RBPJ: variants seen among roughly 807,000 people sequenced by gnomAD.
The protein encoded by RBPJ is recombination signal binding protein for immunoglobulin kappa J region.
In RBPJ, 9 loss-of-function variants were observed where a neutral mutation model predicts 67.8. The ratio of observed to expected loss-of-function variants is 0.13; its 90% CI spans 0.08 to 0.23. The LOEUF is 0.23. Ranked by LOEUF, RBPJ falls within the 10% of genes least tolerant of loss-of-function variation. RBPJ has a pLI of 1.00. For missense variants in RBPJ, 305 were observed against 595.6 expected, an observed-to-expected ratio of 0.51 and a Z score of 5.08; for synonymous variants, 198 against 203.3, an observed-to-expected ratio of 0.97 and a Z score of 0.22.
chr4:26,404,934 T>C (rs1180703958), intron 2 of RBPJ, among the ~76,000 whole-genome samples: 1 of 152,228 alleles, frequency 6.6e-6, no homozygotes, highest in Non-Finnish European at 1.5e-5. Flanking sequence ...CGTTCCCTTA[T>C]TGGTGCTTTT....
At chr4:26,170,638 T>C (rs1269146067) in intron 1 of RBPJ, among the ~76,000 whole-genome samples, 1 of 152,078 alleles carries the variant, frequency 6.6e-6, no homozygotes, top group Non-Finnish European at 1.5e-5. Context: ...TTAAGTGAGA[T>C]GTAAGTTGGC....
chr4:26,352,639 G>T (rs1305678272), intron 1 of RBPJ, among the ~76,000 whole-genome samples: 1 of 152,210 alleles, frequency 6.6e-6, no homozygotes, highest in African/African-American at 2.4e-5. Context: ...GGAGGCGGAG[G>T]TTGCAGTGAG....
At chr4:26,257,679 C>T (rs1212231898) in intron 1 of RBPJ, among the ~76,000 whole-genome samples, 10 of 152,218 alleles carry the variant, frequency 6.6e-5, no homozygotes, top group Non-Finnish European at 1.2e-4. Context: ...TATGCTGCCC[C>T]TCTATGCTAC....
chr4:26,286,310 C>G (rs969526412), intron 1 of RBPJ, among the ~76,000 whole-genome samples: 2 of 151,912 alleles, frequency 1.3e-5, no homozygotes, highest in African/African-American at 4.8e-5. Flanking sequence ...GAGACCAGGT[C>G]TCTTTAAAAA....
chr4:26,205,021 C>A (rs1007360956), intron 1 of RBPJ, among the ~76,000 whole-genome samples: 2 of 152,146 alleles, frequency 1.3e-5, no homozygotes, highest in East Asian at 3.9e-4. Context: ...GCGCCAGGGG[C>A]CACGTGGCTG....
intron 1 of RBPJ, among the ~76,000 whole-genome samples, chr4:26,275,883 C>G (rs771160094): frequency 6.6e-6 from 1 of 151,846 alleles, no homozygotes; most frequent in Non-Finnish European, 1.5e-5. Flanking sequence ...ACCTCGGCCT[C>G]CCAAAGTGCT....
rs547581013 is a variant in RBPJ, at chr4:26,294,318, T to C, written c.-166-68128T>C. ...TTCACCATCTTGGCCAGGCTAGTCT[T>C]GAACTCCTGACCTTGTGATCCACCC... On this transcript the variant is annotated intron_variant, in intron 1 of 4. Transcript: ENST00000512351. Among the ~76,000 whole-genome samples, 793 of 151,612 alleles carry C rather than the reference T, an allele frequency of 5.2e-3. 8 individuals are homozygous for C. Among genetic ancestry groups the C allele is most frequent in the African/African-American group, 0.019 (765 of 41,340 alleles).
intron 1 of RBPJ, among the ~76,000 whole-genome samples, chr4:26,367,525 T>C (rs985751412): frequency 6.6e-6 from 1 of 152,166 alleles, no homozygotes; most frequent in Non-Finnish European, 1.5e-5. Flanking sequence ...TAGGACTTGT[T>C]TGTATAATAG....
At chr4:26,348,606 T>C (rs1726434218) in intron 1 of RBPJ, among the ~76,000 whole-genome samples, 1 of 152,214 alleles carries the variant, frequency 6.6e-6, no homozygotes, top group Non-Finnish European at 1.5e-5. Context: ...AATATGTACA[T>C]AAATTTGAAA....
At chr4:26,176,990 G>T (rs1399626454) in intron 1 of RBPJ, among the ~76,000 whole-genome samples, 4 of 152,220 alleles carry the variant, frequency 2.6e-5, no homozygotes, top group African/African-American at 9.6e-5. Flanking sequence ...CTGAAGATGA[G>T]ATGATTCAGT....
intron 1 of RBPJ, among the ~76,000 whole-genome samples, chr4:26,300,978 T>G (rs1722055638): frequency 1.3e-5 from 2 of 152,252 alleles, no homozygotes; most frequent in African/African-American, 2.4e-5. Context: ...TCATCTGACC[T>G]GTGGTTCTAG....
chr4:26,315,163 AAAAAATATAT>A (rs1722562630), upstream of RBPJ, among the ~76,000 whole-genome samples: 1 of 109,246 alleles, frequency 9.2e-6, no homozygotes, highest in African/African-American at 5.0e-5. Context: ...AAAAAAAAAA[AAAAAATATAT>A]ATATATATAT....
chr4:26,209,703 CT>C (rs1718308803), intron 1 of RBPJ, among the ~76,000 whole-genome samples: 2 of 99,022 alleles, frequency 2.0e-5, no homozygotes, highest in Non-Finnish European at 2.3e-5. Flanking sequence ...CCTTCCCTCT[CT>C]CCCTCCCTTC....
At chr4:26,360,440 A>G (rs1347719601) in intron 1 of RBPJ, among the ~76,000 whole-genome samples, 1 of 152,188 alleles carries the variant, frequency 6.6e-6, no homozygotes, top group Non-Finnish European at 1.5e-5. Flanking sequence ...AGTAGTTTCT[A>G]GTGCCTATTG....
chr4:26,284,381 A>G (rs1721385336), intron 1 of RBPJ, among the ~76,000 whole-genome samples: 1 of 152,212 alleles, frequency 6.6e-6, no homozygotes. Context: ...TTGGTTTTGC[A>G]ATTATTATTG....
chr4:26,376,304 C>T (rs927819217), intron 1 of RBPJ, among the ~76,000 whole-genome samples: 4 of 152,292 alleles, frequency 2.6e-5, no homozygotes, highest in Admixed American at 6.5e-5. Flanking sequence ...CCCCCCAGGT[C>T]CCTGGTAGCC....
At chr4:26,131,570 G>A in the RBPJ span, among the ~76,000 whole-genome samples, 1 of 152,262 alleles carries the variant, frequency 6.6e-6, no homozygotes, top group South Asian at 2.1e-4. Context: ...ACCTGCAAAT[G>A]TTGCTTTATA....
the RBPJ span, among the ~76,000 whole-genome samples, chr4:26,107,190 T>G: frequency 6.6e-6 from 1 of 152,244 alleles, no homozygotes; most frequent in South Asian, 2.1e-4. Flanking sequence ...TAGTCTGGTA[T>G]TGAAATAATT....
At chr4:26,294,944 T>C (rs1392771968) in intron 1 of RBPJ, among the ~76,000 whole-genome samples, 1 of 151,290 alleles carries the variant, frequency 6.6e-6, no homozygotes, top group Non-Finnish European at 1.5e-5. Context: ...TGCCACCGGG[T>C]TGGATAGGGC....
Sources: gnomAD v4.1 joint callset for allele counts (sites outside exome capture counted in the v4.1 genomes callset) on GRCh38, gnomAD v4.1.1 for gene constraint, MANE v1.5 for transcripts, NCBI Gene and HGNC (gene_info 2026-07-23, HGNC 2026-07-21) for gene names.